MYPN: variants seen among roughly 807,000 people sequenced by gnomAD.
MYPN encodes the protein myopalladin.
In MYPN, 63 loss-of-function variants were observed where a neutral mutation model predicts 129.4. That is an observed-to-expected ratio of 0.49 (90% CI 0.40 to 0.60). The LOEUF (loss-of-function observed/expected upper bound fraction) is 0.60, where lower values mean the gene tolerates loss of function less well. Ranked by LOEUF, MYPN falls within the 20% of genes least tolerant of loss-of-function variation. The pLI is 0.00. For synonymous variants in MYPN, 629 were observed against 600.9 expected (o/e 1.05, Z -0.68); for missense variants, 1,596 against 1,635.4 (o/e 0.98, Z 0.42).
intron 2 of MYPN, among the ~76,000 whole-genome samples, chr10:68,123,827 A>G (rs908891108): frequency 6.6e-6 from 1 of 152,200 alleles, no homozygotes; most frequent in Non-Finnish European, 1.5e-5. Flanking sequence ...CAGGGCTACA[A>G]TTTATAGCCT....
chr10:68,115,104 C>T (rs1370282914), intron 1 of MYPN, among the ~76,000 whole-genome samples: 1 of 151,442 alleles, frequency 6.6e-6, no homozygotes, highest in Non-Finnish European at 1.5e-5. Flanking sequence ...ACTAAAAACA[C>T]AAAAATTAGC....
intron 10 of MYPN, among the ~76,000 whole-genome samples, chr10:68,171,383 G>A (rs1161333902): frequency 6.6e-6 from 1 of 152,156 alleles, no homozygotes; most frequent in Non-Finnish European, 1.5e-5. Flanking sequence ...CTGGGGCTTT[G>A]TGGTTGGCAG....
At chr10:68,170,122 G>T (rs1476319775) in intron 10 of MYPN, among the ~76,000 whole-genome samples, 4 of 152,100 alleles carry the variant, frequency 2.6e-5, no homozygotes, top group African/African-American at 9.7e-5. Flanking sequence ...CTGCCTCTTT[G>T]GCCAGAATTT....
At chr10:68,138,504 G>C (rs1394082267) in intron 2 of MYPN, among the ~76,000 whole-genome samples, 2 of 150,120 alleles carry the variant, frequency 1.3e-5, no homozygotes, top group Non-Finnish European at 3.0e-5. Flanking sequence ...GCTTTAATTT[G>C]TGTTGCTAAA....
intron 2 of MYPN, among the ~76,000 whole-genome samples, chr10:68,128,427 G>C (rs79485968): frequency 0.03 from 4,501 of 152,154 alleles, 113 homozygotes; most frequent in South Asian, 0.07. Flanking sequence ...TAAATAAAAA[G>C]CATATCTGAA....
At chr10:68,111,268 T>C (rs1297902864) in intron 1 of MYPN, among the ~76,000 whole-genome samples, 1 of 152,182 alleles carries the variant, frequency 6.6e-6, no homozygotes, top group East Asian at 1.9e-4. Flanking sequence ...TGAACTAATG[T>C]TGGTATGTGA....
rs1281375929 is a variant in MYPN at position 68,168,421 on chromosome 10, A to G, written c.1973+1755A>G. Among the ~76,000 whole-genome samples the G allele has an allele frequency of 2.0e-5, 3 of 152,152 alleles. No homozygotes were observed. In the South Asian group the frequency reaches 6.2e-4, roughly 32 times the overall value. On this transcript the variant is annotated intron_variant, in intron 10 of 19. Coordinates refer to ENST00000358913, the MANE Select transcript of MYPN (RefSeq NM_032578.4). ...GCCGTTACATATGATGATGGAAAAA[A>G]AATTCTGCCAAAATATTTAAAGAGG...
At chr10:68,168,415 G>A (rs2134175207) in intron 10 of MYPN, among the ~76,000 whole-genome samples, 1 of 151,966 alleles carries the variant, frequency 6.6e-6, no homozygotes, top group Middle Eastern at 3.4e-3. Context: ...TATGATGATG[G>A]AAAAAAAATT....
intron 18 of MYPN, among the ~76,000 whole-genome samples, chr10:68,203,483 G>A (rs996580169): frequency 2.6e-5 from 3 of 114,178 alleles, no homozygotes; most frequent in Non-Finnish European, 6.4e-5. Flanking sequence ...CAGCTACTCA[G>A]GAGGCTGAGG....
intron 1 of MYPN, among the ~76,000 whole-genome samples, chr10:68,096,202 G>A (rs1022102926): frequency 6.6e-6 from 1 of 152,176 alleles, no homozygotes; most frequent in African/African-American, 2.4e-5. Flanking sequence ...ACTGGTCTGG[G>A]CAAATGATAA....
chr10:68,157,554 C>T (rs929170862), intron 6 of MYPN, among the ~76,000 whole-genome samples: 4 of 151,326 alleles, frequency 2.6e-5, no homozygotes, highest in Non-Finnish European at 4.4e-5. Flanking sequence ...GGTACTGAGG[C>T]CGGGTGCGGT....
At chr10:68,119,289 TTTC>T (rs1405850875) in intron 1 of MYPN, among the ~76,000 whole-genome samples, 5 of 152,182 alleles carry the variant, frequency 3.3e-5, no homozygotes, top group African/African-American at 4.8e-5. Flanking sequence ...AATTAACTAA[TTTC>T]TTATTACTGA....
intron 8 of MYPN, among the ~76,000 whole-genome samples, chr10:68,162,596 C>T (rs1485398932): frequency 6.6e-6 from 1 of 152,206 alleles, no homozygotes; most frequent in Non-Finnish European, 1.5e-5. Flanking sequence ...TCTGTGACCA[C>T]CTGGAAAAAT....
intron 19 of MYPN, among the ~76,000 whole-genome samples, chr10:68,209,204 C>T (rs577090209): frequency 1.2e-4 from 19 of 152,228 alleles, no homozygotes; most frequent in African/African-American, 3.6e-4. Context: ...AGAAGATTGC[C>T]CAGTAATTTC....
intron 10 of MYPN, among the ~76,000 whole-genome samples, chr10:68,170,925 G>A (rs2043134179): frequency 6.6e-6 from 1 of 152,018 alleles, no homozygotes; most frequent in Non-Finnish European, 1.5e-5. Context: ...AAGGCAGGTG[G>A]ATCACTTGAG....
At chr10:68,119,335 A>C (rs1444828209) in intron 1 of MYPN, among the ~76,000 whole-genome samples, 1 of 152,078 alleles carries the variant, frequency 6.6e-6, no homozygotes, top group African/African-American at 2.4e-5. Context: ...TTATCATGTG[A>C]TAAACACCTT....
intron 1 of MYPN, among the ~76,000 whole-genome samples, chr10:68,117,542 T>C (rs1297461058): frequency 6.6e-6 from 1 of 151,968 alleles, no homozygotes; most frequent in Admixed American, 6.6e-5. Context: ...TTAGGCCTGA[T>C]AGGATAGTGA....
In MYPN at chr10:68,175,404, A is replaced by C; in HGVS notation, c.2646A>C (p.Ala882=). 6.2e-7 allele frequency: 1 copy of C among 1,614,208 alleles called. No homozygotes were observed. Among genetic ancestry groups the C allele is most frequent in the Non-Finnish European group, 8.5e-7 (1 of 1,180,010 alleles). ...NDDNIRETKN[A]VIRDLGKKIT... Reference sequence around the variant, plus strand: ...ATAACATTCGTGAAACTAAGAACGCAGTGATTCGAGACTTGGGGAAAAAAA... The same window carrying C: ...ATAACATTCGTGAAACTAAGAACGCCGTGATTCGAGACTTGGGGAAAAAAA... Residue 882 remains alanine, a synonymous_variant, in exon 12 of 20, where the codon GCA becomes GCC. Coordinates refer to ENST00000358913, the MANE Select transcript of MYPN (RefSeq NM_032578.4).
Position 68,144,362 on chromosome 10 carries a change from A to G in MYPN, c.1079-1113A>G, listed in dbSNP as rs568665996. On this transcript the variant is annotated intron_variant, in intron 3 of 19. Transcript: ENST00000358913. Reference sequence around the variant, plus strand: ...ATTATTATGGTATAGATGCCCATTTATCAACTAGATTGTAAGGCCACGACT... The same window carrying G: ...ATTATTATGGTATAGATGCCCATTTGTCAACTAGATTGTAAGGCCACGACT... Among the ~76,000 whole-genome samples the G allele has an allele frequency of 2.6e-5, 4 of 152,256 alleles. No homozygotes were observed. The East Asian group carries it at 7.7e-4, about 29-fold the overall frequency.
Sources: gnomAD v4.1 joint callset for allele counts (sites outside exome capture counted in the v4.1 genomes callset) on GRCh38, gnomAD v4.1.1 for gene constraint, MANE v1.5 for transcripts, NCBI Gene and HGNC (gene_info 2026-07-23, HGNC 2026-07-21) for gene names.